Variants in DLG1 observed in about 807,000 individuals in gnomAD.
DLG1 encodes the protein disks large homolog 1.
DLG1 carries 42 observed loss-of-function variants against 123.4 expected under a neutral mutation model. The observed-to-expected ratio is 0.34, with a 90% CI of 0.27 to 0.44. The LOEUF (loss-of-function observed/expected upper bound fraction) is 0.44, where lower values mean the gene tolerates loss of function less well. Among genes scored for constraint, DLG1 ranks in the 20% least tolerant of loss-of-function variants. The pLI, the probability that DLG1 is intolerant of heterozygous loss-of-function variation, is 1.00. For missense variants in DLG1, 942 were observed against 1,082.6 expected (o/e 0.87, Z 1.82); for synonymous variants, 317 against 356.2 (o/e 0.89, Z 1.24).
At chr3:197,279,166 C>T (rs1184476419) in intron 4 of DLG1, among the ~76,000 whole-genome samples, 1 of 152,138 alleles carries the variant, frequency 6.6e-6, no homozygotes, top group Non-Finnish European at 1.5e-5. Context: ...CCAAATGAAG[C>T]ATGAATGGAT....
At chr3:197,068,773 C>T (rs1741481738) in intron 19 of DLG1, among the ~76,000 whole-genome samples, 1 of 151,942 alleles carries the variant, frequency 6.6e-6, no homozygotes, top group African/African-American at 2.4e-5. Flanking sequence ...CTTCCGTTCA[C>T]CAAGTGCTGG....
intron 4 of DLG1, among the ~76,000 whole-genome samples, chr3:197,232,593 C>T (rs1743790570): frequency 6.6e-6 from 1 of 152,026 alleles, no homozygotes; most frequent in Non-Finnish European, 1.5e-5. Flanking sequence ...AAATCTTGAA[C>T]ATTCATCAGA....
At chr3:197,289,855 A>G (rs2151226896) in intron 3 of DLG1, among the ~76,000 whole-genome samples, 1 of 152,372 alleles carries the variant, frequency 6.6e-6, no homozygotes, top group Middle Eastern at 3.4e-3. Context: ...TCAAGCTAGT[A>G]GGCAAAAATA....
At chr3:197,198,764 A>C (rs1202603846) in intron 4 of DLG1, among the ~76,000 whole-genome samples, 1 of 152,220 alleles carries the variant, frequency 6.6e-6, no homozygotes, top group Admixed American at 6.5e-5. Flanking sequence ...ATAATAAAAA[A>C]AAGACTGATA....
At chr3:197,089,451 C>G (rs1014410467) in intron 15 of DLG1, among the ~76,000 whole-genome samples, 1 of 151,304 alleles carries the variant, frequency 6.6e-6, no homozygotes, top group Admixed American at 6.6e-5. Context: ...CCCTTGAACC[C>G]GGGAGGTTGA....
At position 197,257,152 on chromosome 3, in the gene DLG1, C is replaced by T. The variant is rs192198025; in HGVS notation, c.318+25527G>A. On this transcript the variant is annotated intron_variant, in intron 4 of 24. Coordinates refer to ENST00000667157, the MANE Select transcript of DLG1 (RefSeq NM_001366207.1). ...ACTTTCTTTTAACATATTTAATACC[C>T]CTTTCAAAGCTTCTAACATACAATT... is the stretch of plus-strand genomic sequence containing the variant. 1.6e-3 allele frequency among the ~76,000 whole-genome samples: 238 copies of T among 152,126 alleles called. 1 individual carries two copies. Among genetic ancestry groups the T allele is most frequent in the Admixed American group, 5.6e-3 (86 of 15,270 alleles).
rs1577219295 is a variant in DLG1 at position 197,156,970 on chromosome 3, G to A, written c.484-7174C>T. On this transcript the variant is annotated intron_variant, in intron 5 of 24. Transcript: ENST00000667157. ...GAGACACAGAACTCTAACAATAACA[G>A]AACACACATTCTTCTCAAGTGCACA... Among the ~76,000 whole-genome samples the A allele has an allele frequency of 2.0e-5, 3 of 152,258 alleles. No homozygotes were observed. In the East Asian group the frequency reaches 5.8e-4, roughly 29 times the overall value.
intron 4 of DLG1, among the ~76,000 whole-genome samples, chr3:197,278,750 A>G (rs1225061527): frequency 6.6e-6 from 1 of 151,966 alleles, no homozygotes; most frequent in East Asian, 1.9e-4. Flanking sequence ...AAAAAAAAAA[A>G]GACAAAACTG....
intron 6 of DLG1, among the ~76,000 whole-genome samples, chr3:197,145,031 G>A (rs1475111196): frequency 1.5e-5 from 2 of 135,962 alleles, no homozygotes; most frequent in Non-Finnish European, 3.2e-5. Context: ...CCAGGAGCTC[G>A]CTTGCTTGCT....
chr3:197,155,865 A>G (rs1423936051), intron 5 of DLG1, among the ~76,000 whole-genome samples: 4 of 152,062 alleles, frequency 2.6e-5, no homozygotes, highest in African/African-American at 9.7e-5. Context: ...GGGAGAATCG[A>G]TTGGGCCCAA....
intron 13 of DLG1, among the ~76,000 whole-genome samples, chr3:197,114,051 G>T (rs1268180419): frequency 6.6e-6 from 1 of 152,078 alleles, no homozygotes; most frequent in Non-Finnish European, 1.5e-5. Flanking sequence ...TGAATTACAA[G>T]GAGACAGAGC....
chr3:197,164,210 T>TA (rs1014718757), intron 5 of DLG1, among the ~76,000 whole-genome samples: 6 of 150,364 alleles, frequency 4.0e-5, no homozygotes, highest in African/African-American at 1.5e-4. Context: ...GCCAACATGG[T>TA]GAAACTCCAT....
chr3:197,183,741 G>C, intron 5 of DLG1: 2 of 1,550,552 alleles, frequency 1.3e-6, no homozygotes, highest in Non-Finnish European at 1.7e-6. Context: ...GCCATGGCTA[G>C]AGCTAGTATT....
intron 4 of DLG1, among the ~76,000 whole-genome samples, chr3:197,259,595 T>C (rs75364757): frequency 0.037 from 5,612 of 152,250 alleles, 166 homozygotes; most frequent in South Asian, 0.052. Flanking sequence ...AACCAATGGA[T>C]GAATTTTAAA....
At chr3:197,103,654 G>A (rs1262316141) in intron 14 of DLG1, among the ~76,000 whole-genome samples, 1 of 150,818 alleles carries the variant, frequency 6.6e-6, no homozygotes, top group African/African-American at 2.4e-5. Context: ...AAAGGCCAAG[G>A]TTTTACTAGA....
chr3:197,194,658 T>G, intron 4 of DLG1, 69 bp from the exon 5 acceptor site: 1 of 1,112,476 alleles, frequency 9.0e-7, no homozygotes, highest in Non-Finnish European at 1.3e-6. Context: ...ATGGTTTTCA[T>G]AACTAGCCAA....
chr3:197,074,337 A>G (rs1475892114), intron 18 of DLG1, among the ~76,000 whole-genome samples: 1 of 152,102 alleles, frequency 6.6e-6, no homozygotes, highest in Non-Finnish European at 1.5e-5. Context: ...TCTGATAATC[A>G]GTTACCATTT....
intron 14 of DLG1, among the ~76,000 whole-genome samples, chr3:197,097,891 T>C (rs905695885): frequency 2.0e-5 from 3 of 152,168 alleles, no homozygotes; most frequent in Admixed American, 6.5e-5. Context: ...TCTTTTTGTA[T>C]TTTCTGTTAG....
At chr3:197,134,816 G>T (rs879681213) in intron 10 of DLG1, among the ~76,000 whole-genome samples, 1 of 152,252 alleles carries the variant, frequency 6.6e-6, no homozygotes, top group African/African-American at 2.4e-5. Context: ...GTGCCATGGA[G>T]TATAGGAGCT....
Sources: gnomAD v4.1 joint callset for allele counts (sites outside exome capture counted in the v4.1 genomes callset) on GRCh38, gnomAD v4.1.1 for gene constraint, MANE v1.5 for transcripts, NCBI Gene and HGNC (gene_info 2026-07-23, HGNC 2026-07-21) for gene names.